USP46: variants seen among roughly 807,000 people sequenced by gnomAD.
USP46 encodes ubiquitin specific peptidase 46.
A neutral mutation model predicts 44.4 loss-of-function variants in USP46; 12 were observed. That is an observed-to-expected ratio of 0.27 (90% CI 0.17 to 0.44). USP46 has a LOEUF of 0.44. Ranked by LOEUF, USP46 falls within the 20% of genes least tolerant of loss-of-function variation. The pLI, the probability that USP46 is intolerant of heterozygous loss-of-function variation, is 1.00. For missense variants in USP46, 248 were observed against 444.8 expected (o/e 0.56, Z 3.98); for synonymous variants, 155 against 161.5 (o/e 0.96, Z 0.31).
At chr4:52,601,710 A>G (rs1239968567) in intron 7 of USP46, 147 bp downstream of exon 7, 4 of 662,870 alleles carry the variant, frequency 6.0e-6, no homozygotes, top group Non-Finnish European at 9.2e-6. Context: ...GCATGTTTAT[A>G]TATTTTTTGT....
rs766311773 is a variant in USP46 at position 52,659,080 on chromosome 4, G to A, written c.36+35C>T. 6.5e-7 allele frequency: 1 copy of A among 1,547,526 alleles called. No homozygotes were observed. The highest frequency in any genetic ancestry group is 1.2e-5 in the South Asian group (1 of 83,536). On this transcript the variant is annotated intron_variant, in intron 1 of 8. Transcript: ENST00000441222. This position sits in a 1 kb window ranked among gnomAD's most constrained non-coding sequence, Gnocchi z 4.2. ...CTTCCCTTTCTTTGCCTCGCCGCGAGTCGGGCGCGACCCCGAGGCGGCTCG... is the reference window on the plus strand; with the variant it reads ...CTTCCCTTTCTTTGCCTCGCCGCGAATCGGGCGCGACCCCGAGGCGGCTCG...
chr4:52,611,808 T>C lies in USP46; in HGVS notation c.562-1191A>G, dbSNP rs1716941393. Among the ~76,000 whole-genome samples, 4 of 152,246 alleles carry C rather than the reference T, an allele frequency of 2.6e-5. No individual in the cohort carries two copies. In the South Asian group the frequency reaches 8.3e-4, roughly 32 times the overall value. The stretch of plus-strand genomic sequence containing the variant: ...TGGGAGGCTGAGGCAGGAGAATCGC[T>C]TGAAGCTGTGAGGCAGAGGTTGCAG... On this transcript the variant is annotated intron_variant, in intron 4 of 8. Transcript: ENST00000441222.
rs1003791593 is a variant in USP46 at position 52,594,187 on chromosome 4, C to A, written c.*3453G>T. The A allele has an allele frequency of 6.6e-6, 1 of 152,060 alleles. No individual in the cohort carries two copies. Among genetic ancestry groups the A allele is most frequent in the African/African-American group, 2.4e-5 (1 of 41,406 alleles). 9.4% of individuals were successfully genotyped at this position (152,060 alleles called of 1,614,324 possible). The stretch of plus-strand genomic sequence containing the variant: ...CTAGAAAGAGAATTCCCATTTTATT[C>A]ATTTATTTATTTTTTGCAAACAATT... On this transcript the variant is annotated 3_prime_UTR_variant, in exon 9 of 9. Coordinates refer to ENST00000441222, the MANE Select transcript of USP46 (RefSeq NM_022832.4).
At chr4:52,614,459 A>C (rs376667696) in intron 4 of USP46, among the ~76,000 whole-genome samples, 1 of 152,258 alleles carries the variant, frequency 6.6e-6, no homozygotes, top group East Asian at 1.9e-4. Context: ...TCCAATTGGC[A>C]GCTGACCTCT....
intron 1 of USP46, among the ~76,000 whole-genome samples, chr4:52,636,958 A>G (rs1171003177): frequency 2.6e-5 from 4 of 151,774 alleles, no homozygotes; most frequent in Non-Finnish European, 4.4e-5. Flanking sequence ...TTACAGGTGC[A>G]TAACCCACAC....
chr4:52,658,171 C>T, intron 1 of USP46: 1 of 454,812 alleles, frequency 2.2e-6, no homozygotes, highest in Non-Finnish European at 4.4e-6. Flanking sequence ...CACATCATCT[C>T]ACCCTGCAAG....
intron 5 of USP46, among the ~76,000 whole-genome samples, chr4:52,608,417 G>A (rs1320762225): frequency 2.6e-5 from 4 of 152,220 alleles, no homozygotes; most frequent in African/African-American, 7.2e-5. Context: ...AAACACACCA[G>A]GATATACTGA....
At chr4:52,630,755 A>G (rs13127663) in intron 2 of USP46, among the ~76,000 whole-genome samples, 3 of 127,128 alleles carry the variant, frequency 2.4e-5, no homozygotes, top group Non-Finnish European at 5.5e-5. Context: ...AAAAAAAAAA[A>G]GAAAAAATCA....
At chr4:52,657,555 CAT>C (rs1338858927) in intron 1 of USP46, among the ~76,000 whole-genome samples, 1 of 152,198 alleles carries the variant, frequency 6.6e-6, no homozygotes, top group East Asian at 1.9e-4. Context: ...CACCAACAGA[CAT>C]AAAAGAGTAT....
rs1716168828 is a variant in USP46, at chr4:52,594,986, C to G, written c.*2654G>C. ...GATTTTTTAGCATGCTGTGCCATAA[C>G]CTAGAGGCTAAACTAGTAAGTAACC... On this transcript the variant is annotated 3_prime_UTR_variant, in exon 9 of 9. Coordinates refer to ENST00000441222, the MANE Select transcript of USP46 (RefSeq NM_022832.4). The G allele has an allele frequency of 6.6e-6, 1 of 152,250 alleles. No homozygotes were observed. Among genetic ancestry groups the G allele is most frequent in the South Asian group, 2.1e-4 (1 of 4,818 alleles). The allele number at this position is 152,250 out of a possible 1,614,324, so 9.4% of individuals were successfully genotyped here.
At chr4:52,633,432 A>G (rs899598903) in intron 1 of USP46, among the ~76,000 whole-genome samples, 2 of 152,188 alleles carry the variant, frequency 1.3e-5, no homozygotes, top group African/African-American at 4.8e-5. Flanking sequence ...GACACTATAT[A>G]CAAGGCTGAA....
At chr4:52,657,057 A>T (rs1435437429) in intron 1 of USP46, among the ~76,000 whole-genome samples, 2 of 151,280 alleles carry the variant, frequency 1.3e-5, no homozygotes, top group Non-Finnish European at 2.9e-5. Context: ...AAAAAAAAAA[A>T]AAAAAAGAAC....
chr4:52,609,552 G>A (rs1471379809), intron 5 of USP46, among the ~76,000 whole-genome samples: 6 of 152,080 alleles, frequency 3.9e-5, no homozygotes, highest in Non-Finnish European at 7.4e-5. Context: ...CTCCCATCAC[G>A]GAACTCTGAG....
intron 5 of USP46, 150 bp from the exon 6 acceptor site, chr4:52,604,734 G>T: frequency 1.7e-6 from 1 of 579,712 alleles, no homozygotes. Flanking sequence ...GACTAGGATG[G>T]TAGAGAAACT....
At chr4:52,651,106 AAAAG>A (rs1052827383) in intron 1 of USP46, 6 of 151,960 alleles carry the variant, frequency 3.9e-5, no homozygotes, top group South Asian at 2.1e-4. Context: ...AAAAAAAAAA[AAAAG>A]AAAGAAAGAG....
At chr4:52,607,822 A>C (rs1414555311) in intron 5 of USP46, among the ~76,000 whole-genome samples, 1 of 152,094 alleles carries the variant, frequency 6.6e-6, no homozygotes, top group Non-Finnish European at 1.5e-5. Flanking sequence ...TTCTGCCATA[A>C]TTGTAAGTTT....
chr4:52,637,415 T>C (rs1159089371), intron 1 of USP46, among the ~76,000 whole-genome samples: 1 of 152,208 alleles, frequency 6.6e-6, no homozygotes, highest in African/African-American at 2.4e-5. Context: ...GCAAATCCAC[T>C]TACTTGTCTT....
intron 1 of USP46, among the ~76,000 whole-genome samples, chr4:52,632,990 A>AAAGAAAGAAAAGAAAG: frequency 4.5e-5 from 3 of 66,294 alleles, no homozygotes; most frequent in Admixed American, 1.6e-4. Context: ...GAAAGAAAAG[A>AAAGAAAGAAAAGAAAG]AAAGAAAGAA....
At chr4:52,625,083 T>C (rs944901612) in intron 4 of USP46, among the ~76,000 whole-genome samples, 1 of 152,190 alleles carries the variant, frequency 6.6e-6, no homozygotes, top group Non-Finnish European at 1.5e-5. Context: ...TTCCATACAA[T>C]GTCAGGAAAC....
Sources: allele counts gnomAD v4.1 joint callset (sites outside exome capture counted in the v4.1 genomes callset), GRCh38; gene constraint gnomAD v4.1.1; non-coding constraint Gnocchi (gnomAD v3.1); transcripts MANE v1.5; gene names NCBI Gene and HGNC (gene_info 2026-07-23, HGNC 2026-07-21).